The following PTGR2 variants were observed in gnomAD, a reference collection of about 807,000 sequenced individuals.
PTGR2 encodes prostaglandin reductase 2.
Under a neutral mutation model 43.4 loss-of-function variants are expected in PTGR2, and 32 were observed. The observed-to-expected ratio is 0.74, with a 90% CI of 0.56 to 0.99. The LOEUF (loss-of-function observed/expected upper bound fraction) is 0.99, where lower values mean the gene tolerates loss of function less well. Ranked by LOEUF, PTGR2 falls within the 50% of genes least tolerant of loss-of-function variation. The probability of loss-of-function intolerance (pLI) is 0.00; values close to 1 mark genes in which losing one functional copy is unlikely to be tolerated. For synonymous variants in PTGR2, 106 were observed against 139.2 expected, an observed-to-expected ratio of 0.76 and a Z score of 1.68; for missense variants, 373 against 420.0, an observed-to-expected ratio of 0.89 and a Z score of 0.98.
At chr14:73,882,327 G>A in intron 8 of PTGR2, 72 bp from the exon 9 acceptor site, 1 of 948,160 alleles carries the variant, frequency 1.1e-6, no homozygotes, top group Non-Finnish European at 1.7e-6. Flanking sequence ...GCTGGCTTTT[G>A]TAAGTATGGA....
chr14:73,867,795 C>T (rs529109947), intron 3 of PTGR2, among the ~76,000 whole-genome samples: 1 of 152,168 alleles, frequency 6.6e-6, no homozygotes, highest in Non-Finnish European at 1.5e-5. Flanking sequence ...TCTGAATCAC[C>T]GTTGTTTCTT....
chr14:73,883,924 G>C (rs1050545348), intron 9 of PTGR2, among the ~76,000 whole-genome samples, 177 bp from the exon 10 acceptor site: 1 of 152,020 alleles, frequency 6.6e-6, no homozygotes, highest in African/African-American at 2.4e-5. Flanking sequence ...ATGTTAATTG[G>C]GTTAGTTTGT....
intron 3 of PTGR2, among the ~76,000 whole-genome samples, chr14:73,865,061 C>T (rs182219076): frequency 2.0e-5 from 3 of 152,124 alleles, no homozygotes; most frequent in African/African-American, 7.2e-5. Flanking sequence ...CATGCACCCA[C>T]AGACATGCAC....
chr14:73,872,154 A>C (rs1595363333), intron 3 of PTGR2, among the ~76,000 whole-genome samples: 1 of 152,160 alleles, frequency 6.6e-6, no homozygotes, highest in East Asian at 1.9e-4. Context: ...TGCTACCAAG[A>C]GAAGTTGTTA....
intron 3 of PTGR2, among the ~76,000 whole-genome samples, chr14:73,873,163 C>A (rs2054777240): frequency 6.6e-6 from 1 of 151,550 alleles, no homozygotes. Flanking sequence ...CAAAAGTAGC[C>A]AGGCATGTTG....
chr14:73,883,724 G>C (rs1215802672), intron 9 of PTGR2, among the ~76,000 whole-genome samples: 1 of 152,076 alleles, frequency 6.6e-6, no homozygotes, highest in Non-Finnish European at 1.5e-5. Flanking sequence ...GACTTCAAGT[G>C]ATCCACCCAC....
chr14:73,866,066 A>G (rs1363081279), intron 3 of PTGR2, among the ~76,000 whole-genome samples: 1 of 149,706 alleles, frequency 6.7e-6, no homozygotes, highest in Non-Finnish European at 1.5e-5. Context: ...CAGTGGCGCT[A>G]TCTTGGCTCA....
chr14:73,864,746 C>A (rs2054321465), intron 3 of PTGR2, among the ~76,000 whole-genome samples: 1 of 152,090 alleles, frequency 6.6e-6, no homozygotes, highest in African/African-American at 2.4e-5. Flanking sequence ...TGTAGGTTGT[C>A]TTTTTATTCT....
At chr14:73,865,057 C>T (rs1275294796) in intron 3 of PTGR2, among the ~76,000 whole-genome samples, 1 of 152,040 alleles carries the variant, frequency 6.6e-6, no homozygotes, top group Non-Finnish European at 1.5e-5. Context: ...TAGGCATGCA[C>T]CCACAGACAT....
chr14:73,881,168 T>C (rs2054978912), intron 7 of PTGR2, 37 bp from the exon 8 acceptor site: 1 of 1,258,716 alleles, frequency 7.9e-7, no homozygotes, highest in Non-Finnish European at 1.2e-6. Flanking sequence ...ACTCCCGTTA[T>C]ATTCTCTGAT....
At chr14:73,880,737 T>C (rs1326140635) in intron 7 of PTGR2, among the ~76,000 whole-genome samples, 1 of 152,172 alleles carries the variant, frequency 6.6e-6, no homozygotes, top group Non-Finnish European at 1.5e-5. Flanking sequence ...GAAAGGATGC[T>C]ACCCACAAAG....
intron 4 of PTGR2, among the ~76,000 whole-genome samples, chr14:73,874,874 CTT>C (rs1449771395): frequency 6.6e-6 from 1 of 152,078 alleles, no homozygotes; most frequent in East Asian, 1.9e-4. Context: ...CTGCTAATGA[CTT>C]TATTTATTTA....
chr14:73,879,783 C>CA (rs1400937027), intron 6 of PTGR2: 3 of 373,636 alleles, frequency 8.0e-6, no homozygotes, highest in East Asian at 1.1e-4. Flanking sequence ...TGTTTAAATC[C>CA]AAAAAAATAC....
intron 3 of PTGR2, among the ~76,000 whole-genome samples, chr14:73,870,430 T>G (rs1452125248): frequency 6.6e-6 from 1 of 152,138 alleles, no homozygotes; most frequent in Non-Finnish European, 1.5e-5. Context: ...TCTGCCCGCC[T>G]TGGCCTCCCA....
chr14:73,880,128 C>A lies in PTGR2; in HGVS notation c.803C>A (p.Pro268Gln). ...AACAAAGATGTGCCTTATCCTCCCC[C>A]GCTATCCCCTGCTATAGAGGCAATC... ...QYNKDVPYPP[P>Q]LSPAIEAIQK... is the part of the protein sequence containing the mutation. Residue 268 changes from proline (P) to glutamine (Q), a missense_variant, in exon 7 of 10, where the codon CCG becomes CAG. By Grantham distance (76) the Pro-to-Gln change is moderately conservative. Coordinates refer to ENST00000555661, the MANE Select transcript of PTGR2 (RefSeq NM_001146154.2). 6 of 1,613,940 alleles carry A rather than the reference C, an allele frequency of 3.7e-6. No individual in the cohort carries two copies. Among genetic ancestry groups the A allele is most frequent in the Non-Finnish European group, 5.1e-6 (6 of 1,179,872 alleles).
At chr14:73,854,580 C>G (rs2054301499) in intron 1 of PTGR2, among the ~76,000 whole-genome samples, 2 of 152,048 alleles carry the variant, frequency 1.3e-5, no homozygotes, top group African/African-American at 4.8e-5. Flanking sequence ...CTATAATATA[C>G]ATATTAATAT....
At chr14:73,881,159 C>A in intron 7 of PTGR2, 46 bp from the exon 8 acceptor site, 2 of 1,148,782 alleles carry the variant, frequency 1.7e-6, no homozygotes, top group Non-Finnish European at 1.3e-6. Context: ...TGGAATACCA[C>A]TCCCGTTATA....
At chr14:73,871,997 C>G (rs887024728) in intron 3 of PTGR2, among the ~76,000 whole-genome samples, 2 of 152,128 alleles carry the variant, frequency 1.3e-5, no homozygotes, top group Non-Finnish European at 2.9e-5. Flanking sequence ...GTCTTTTACC[C>G]GTTTTACCTG....
chr14:73,871,170 T>C (rs1487139990), intron 3 of PTGR2, among the ~76,000 whole-genome samples: 3 of 152,130 alleles, frequency 2.0e-5, no homozygotes, highest in Non-Finnish European at 2.9e-5. Context: ...TAATCAATCA[T>C]GTCTATATAA....
Sources: allele counts gnomAD v4.1 joint callset (sites outside exome capture counted in the v4.1 genomes callset), GRCh38; gene constraint gnomAD v4.1.1; transcripts MANE v1.5; gene names NCBI Gene and HGNC (gene_info 2026-07-23, HGNC 2026-07-21).